AGTPBP1: variants seen among roughly 807,000 people sequenced by gnomAD.
AGTPBP1 encodes the protein ATP/GTP binding carboxypeptidase 1, also known as cytosolic carboxypeptidase 1.
AGTPBP1 carries 70 observed loss-of-function variants against 143.9 expected under a neutral mutation model. The observed-to-expected ratio is 0.49, with a 90% CI of 0.40 to 0.59. The LOEUF is 0.59. Ranked by LOEUF, AGTPBP1 falls within the 20% of genes least tolerant of loss-of-function variation. The pLI, the probability that AGTPBP1 is intolerant of heterozygous loss-of-function variation, is 0.00. For synonymous variants in AGTPBP1, 463 were observed against 500.2 expected (o/e 0.93, Z 0.99); for missense variants, 1,229 against 1,464.5 (o/e 0.84, Z 2.62).
rs1164681090 is a variant in AGTPBP1, at chr9:85,712,506, T to C, written c.28A>G (p.Lys10Glu). Reference protein sequence around the residue: MSKLKVIPEKSLTNNSRIVG... With the variant: MSKLKVIPEESLTNNSRIVG... The stretch of plus-strand genomic sequence containing the variant: ...TGATATTCAGAATTACAGTACCTTT[T>C]TTCTGGTATCACTTTTAACTTGCTC... Residue 10 changes from lysine (K) to glutamate (E), a missense_variant, in exon 2 of 26, where the codon AAA (lysine) becomes GAA (glutamate). Physicochemically the swap from Lys to Glu is moderately conservative, Grantham distance 56 (BLOSUM62 1). Coordinates refer to ENST00000357081, the MANE Select transcript of AGTPBP1 (RefSeq NM_001330701.2). 1 of 1,495,958 alleles carries C rather than the reference T, an allele frequency of 6.7e-7. No homozygotes were observed. The allele number at this position is 1,495,958 out of a possible 1,614,324, so 92.7% of individuals were successfully genotyped here.
At chr9:85,637,428 C>A (rs938897567) in intron 13 of AGTPBP1, among the ~76,000 whole-genome samples, 1 of 152,130 alleles carries the variant, frequency 6.6e-6, no homozygotes, top group Non-Finnish European at 1.5e-5. Flanking sequence ...CATTCCAACA[C>A]GCATCCACAA....
chr9:85,575,204 T>A (rs1462443833), intron 25 of AGTPBP1, 111 bp downstream of exon 25: 2 of 691,326 alleles, frequency 2.9e-6, no homozygotes, highest in African/African-American at 1.9e-5. Context: ...CTTAATTATA[T>A]TAATTCTAAA....
the AGTPBP1 span, among the ~76,000 whole-genome samples, chr9:85,768,772 G>A: frequency 6.6e-6 from 1 of 151,992 alleles, no homozygotes; most frequent in Non-Finnish European, 1.5e-5. Flanking sequence ...TATTGGCCAG[G>A]CATGGTGGCT....
chr9:85,674,855 T>A (rs573367596), intron 6 of AGTPBP1, among the ~76,000 whole-genome samples: 1 of 152,280 alleles, frequency 6.6e-6, no homozygotes, highest in Non-Finnish European at 1.5e-5. Flanking sequence ...AGCCAAATAC[T>A]CAAAGTTTAA....
chr9:85,690,922 T>G (rs1445425959), intron 3 of AGTPBP1, among the ~76,000 whole-genome samples: 1 of 152,168 alleles, frequency 6.6e-6, no homozygotes, highest in Non-Finnish European at 1.5e-5. Flanking sequence ...GTGGTAATGC[T>G]GGAGTAGGGG....
intron 17 of AGTPBP1, among the ~76,000 whole-genome samples, chr9:85,603,045 C>G (rs1227966725): frequency 6.6e-6 from 1 of 152,214 alleles, no homozygotes; most frequent in Non-Finnish European, 1.5e-5. Flanking sequence ...AAGGCTAAGG[C>G]ACTCTGGCGT....
chr9:85,747,947 C>CT, the AGTPBP1 span, among the ~76,000 whole-genome samples: 2 of 150,454 alleles, frequency 1.3e-5, no homozygotes, highest in Non-Finnish European at 3.0e-5. Flanking sequence ...CTTTTTTTTT[C>CT]TTCTGGATTT....
chr9:85,592,820 TG>T lies in AGTPBP1; in HGVS notation c.2424-117del. ...AAGAAAAACCCGAGTCTGTAAAAAG[TG>T]TAACTTAAATACCCTATTTTAAAAA... On this transcript the variant is annotated intron_variant, in intron 18 of 25. Coordinates refer to ENST00000357081, the MANE Select transcript of AGTPBP1 (RefSeq NM_001330701.2). 9 of 1,276,744 alleles carry T rather than the reference TG, an allele frequency of 7.0e-6. No homozygotes were observed. In the South Asian group the frequency reaches 1.2e-4, roughly 17 times the overall value. The allele number at this position is 1,276,744 out of a possible 1,614,324, so 79.1% of individuals were successfully genotyped here. A position where few individuals can be genotyped will look rare whatever the true frequency, so the allele number is the denominator to read the frequency against.
chr9:85,762,469 T>C, the AGTPBP1 span, among the ~76,000 whole-genome samples: 9 of 152,078 alleles, frequency 5.9e-5, no homozygotes, highest in Admixed American at 5.9e-4. Context: ...ATGTCCTTTG[T>C]AGGGACATGG....
At chr9:85,664,089 T>C (rs148264108) in intron 8 of AGTPBP1, among the ~76,000 whole-genome samples, 60 of 152,268 alleles carry the variant, frequency 3.9e-4, no homozygotes, top group East Asian at 2.5e-3. Flanking sequence ...TATGAATCCA[T>C]TCATATAAAA....
At chr9:85,671,721 G>A (rs1052753387) in intron 7 of AGTPBP1, among the ~76,000 whole-genome samples, 23 of 152,072 alleles carry the variant, frequency 1.5e-4, no homozygotes, top group African/African-American at 5.6e-4. Flanking sequence ...GTGGAACCTC[G>A]TGTTAGTGAG....
intron 17 of AGTPBP1, among the ~76,000 whole-genome samples, chr9:85,600,035 T>A (rs1271877858): frequency 6.6e-6 from 1 of 152,202 alleles, no homozygotes; most frequent in Non-Finnish European, 1.5e-5. Flanking sequence ...CTGGGTTGTT[T>A]GTTGTGTGGA....
At chr9:85,645,148 A>G (rs1832736656) in intron 12 of AGTPBP1, among the ~76,000 whole-genome samples, 1 of 152,140 alleles carries the variant, frequency 6.6e-6, no homozygotes, top group Non-Finnish European at 1.5e-5. Context: ...GGGTTGCTAT[A>G]AGGATCTAAT....
chr9:85,559,279 T>C (rs1826545209), intron 25 of AGTPBP1, among the ~76,000 whole-genome samples: 1 of 152,132 alleles, frequency 6.6e-6, no homozygotes, highest in Non-Finnish European at 1.5e-5. Context: ...GACTTTTGTT[T>C]GGCAATTACC....
At chr9:85,741,621 T>A (rs1168635012) in intron 1 of AGTPBP1, 154 bp downstream of exon 1, 3 of 985,262 alleles carry the variant, frequency 3.0e-6, no homozygotes, top group African/African-American at 3.5e-5. Flanking sequence ...ACGCGTCACA[T>A]GTGTAACATG....
At position 85,698,754 on chromosome 9, in the gene AGTPBP1, G is replaced by A. The variant is rs185588487; in HGVS notation, c.33-5941C>T. On this transcript the variant is annotated intron_variant, in intron 2 of 25. Coordinates refer to ENST00000357081, the MANE Select transcript of AGTPBP1 (RefSeq NM_001330701.2). ...GTCGCCCAGGCTGGAGTGCAGTGGC[G>A]CGATCTTGGCTCACTGCAAGCTCCG... Among the ~76,000 whole-genome samples the A allele has an allele frequency of 2.2e-4, 31 of 138,890 alleles. No homozygotes were observed. In the East Asian group the frequency reaches 2.4e-3, roughly 11 times the overall value. 91.1% of individuals were successfully genotyped at this position (138,890 alleles called of 152,430 possible). A position where few individuals can be genotyped will look rare whatever the true frequency, so the allele number is the denominator to read the frequency against.
At chr9:85,735,149 A>T (rs1187046841) in intron 1 of AGTPBP1, among the ~76,000 whole-genome samples, 1 of 152,264 alleles carries the variant, frequency 6.6e-6, no homozygotes, top group Non-Finnish European at 1.5e-5. Context: ...TCAACGGATG[A>T]ATGCATAAAC....
intron 2 of AGTPBP1, among the ~76,000 whole-genome samples, chr9:85,695,250 C>G (rs1836147348): frequency 6.6e-6 from 1 of 152,146 alleles, no homozygotes; most frequent in African/African-American, 2.4e-5. Context: ...AAAACCGACA[C>G]AGTTGCTACT....
At chr9:85,657,185 A>AC (rs1833571631) in intron 10 of AGTPBP1, among the ~76,000 whole-genome samples, 1 of 85,368 alleles carries the variant, frequency 1.2e-5, no homozygotes, top group East Asian at 8.1e-4. Flanking sequence ...GTATAATAAT[A>AC]AAAAAAAAAT....
Sources: gnomAD v4.1 joint callset for allele counts (sites outside exome capture counted in the v4.1 genomes callset) on GRCh38, gnomAD v4.1.1 for gene constraint, MANE v1.5 for transcripts, NCBI Gene and HGNC (gene_info 2026-07-23, HGNC 2026-07-21) for gene names.